Variants in CYP7B1 observed in about 807,000 individuals in gnomAD.
CYP7B1 encodes cytochrome P450 7B1.
A neutral mutation model predicts 42.7 loss-of-function variants in CYP7B1; 29 were observed. The ratio of observed to expected loss-of-function variants is 0.68; its 90% CI spans 0.51 to 0.93. The LOEUF (loss-of-function observed/expected upper bound fraction) is 0.93. Among genes scored for constraint, CYP7B1 ranks in the 40% least tolerant of loss-of-function variants. The probability of loss-of-function intolerance (pLI) is 0.00; values close to 1 mark genes in which losing one functional copy is unlikely to be tolerated. For synonymous variants in CYP7B1, 235 were observed against 218.2 expected, an observed-to-expected ratio of 1.08 and a Z score of -0.68; for missense variants, 655 against 600.5, an observed-to-expected ratio of 1.09 and a Z score of -0.95.
In CYP7B1 at chr8:64,626,326, C is replaced by T. The variant is rs1805609784; in HGVS notation, c.123-1787G>A. On this transcript the variant is annotated intron_variant, in intron 1 of 5. Coordinates refer to ENST00000310193, the MANE Select transcript of CYP7B1 (RefSeq NM_004820.5). ...GACATTGTGTGTGTGAACCTGAGGG[C>T]TCTTGCTGTGCCCTGGGTTTTAGAA... Among the ~76,000 whole-genome samples the T allele has an allele frequency of 2.6e-5, 4 of 152,274 alleles. No individual in the cohort carries two copies. The South Asian group carries it at 8.3e-4, about 32-fold the overall frequency.
chr8:64,788,213 T>C (rs1266868680), intron 1 of CYP7B1, among the ~76,000 whole-genome samples: 5 of 152,192 alleles, frequency 3.3e-5, no homozygotes, highest in Admixed American at 3.3e-4. Context: ...GACTTCTCAA[T>C]TGTAATAGAT....
At chr8:64,704,150 A>G (rs1286250131) in intron 1 of CYP7B1, 1 of 152,088 alleles carries the variant, frequency 6.6e-6, no homozygotes, top group East Asian at 1.9e-4. Flanking sequence ...GAGATAATCC[A>G]TGGCAGGAAG....
chr8:64,614,489 AT>A (rs1462350531), intron 4 of CYP7B1, among the ~76,000 whole-genome samples: 53 of 147,786 alleles, frequency 3.6e-4, no homozygotes, highest in African/African-American at 1.3e-3. Context: ...CTTCTTTTCT[AT>A]TTTTTCCCTC....
chr8:64,650,382 T>C lies in CYP7B1; in HGVS notation c.123-25843A>G, dbSNP rs907653701. On this transcript the variant is annotated intron_variant, in intron 1 of 5. Coordinates refer to ENST00000310193, the MANE Select transcript of CYP7B1 (RefSeq NM_004820.5). Reference sequence around the variant, plus strand: ...TTAATTCTTGGCTGGGCGTGGTGGCTCATGTCTGTAATCCCAGCACTTTGG... The same window carrying C: ...TTAATTCTTGGCTGGGCGTGGTGGCCCATGTCTGTAATCCCAGCACTTTGG... 2.2e-4 allele frequency among the ~76,000 whole-genome samples: 34 copies of C among 152,122 alleles called. 1 individual carries two copies. Among genetic ancestry groups the C allele is most frequent in the African/African-American group, 8.2e-4 (34 of 41,428 alleles).
intron 1 of CYP7B1, among the ~76,000 whole-genome samples, chr8:64,711,423 G>A (rs1807077692): frequency 6.6e-6 from 1 of 152,188 alleles, no homozygotes; most frequent in Admixed American, 6.5e-5. Context: ...TTCCTGGGAA[G>A]GGACAAATGG....
intron 4 of CYP7B1, among the ~76,000 whole-genome samples, chr8:64,608,887 A>G (rs1171034657): frequency 1.3e-5 from 2 of 152,246 alleles, no homozygotes; most frequent in African/African-American, 4.8e-5. Flanking sequence ...ACAAATGCCT[A>G]TCTTCACTCT....
intron 1 of CYP7B1, among the ~76,000 whole-genome samples, chr8:64,757,643 T>G (rs1807827060): frequency 6.6e-6 from 1 of 152,198 alleles, no homozygotes; most frequent in Non-Finnish European, 1.5e-5. Context: ...ATTAACCAAG[T>G]TCAGCACAGG....
At chr8:64,767,792 GT>G (rs1804130799) in intron 1 of CYP7B1, among the ~76,000 whole-genome samples, 1 of 152,200 alleles carries the variant, frequency 6.6e-6, no homozygotes, top group Non-Finnish European at 1.5e-5. Context: ...AATCAAAGCT[GT>G]AAAACTACAA....
At chr8:64,588,708 A>T (rs1804999375), downstream of CYP7B1, among the ~76,000 whole-genome samples, 1 of 152,234 alleles carries the variant, frequency 6.6e-6, no homozygotes, top group African/African-American at 2.4e-5. Context: ...TAAATCATGC[A>T]TTGTCCAATC....
intron 1 of CYP7B1, among the ~76,000 whole-genome samples, chr8:64,789,225 G>A (rs923941197): frequency 1.3e-5 from 2 of 152,196 alleles, no homozygotes; most frequent in Admixed American, 1.3e-4. Context: ...ACTGTGCCTG[G>A]CCATACACTC....
intron 1 of CYP7B1, among the ~76,000 whole-genome samples, chr8:64,775,132 T>C (rs1394510569): frequency 6.6e-6 from 1 of 151,558 alleles, no homozygotes; most frequent in Admixed American, 6.6e-5. Flanking sequence ...TCTCCAAATA[T>C]CCTTAGTAAA....
intron 1 of CYP7B1, among the ~76,000 whole-genome samples, chr8:64,642,408 T>C (rs1486807026): frequency 6.6e-6 from 1 of 152,196 alleles, no homozygotes; most frequent in Non-Finnish European, 1.5e-5. Context: ...CAAATTTTAA[T>C]GTAACAGCAC....
chr8:64,633,536 GT>G (rs1418751596), intron 1 of CYP7B1, among the ~76,000 whole-genome samples: 1 of 152,098 alleles, frequency 6.6e-6, no homozygotes, highest in Non-Finnish European at 1.5e-5. Flanking sequence ...AGTTAACTTA[GT>G]GAAAAAATTT....
intron 1 of CYP7B1, among the ~76,000 whole-genome samples, chr8:64,792,202 C>A (rs1450256311): frequency 6.6e-6 from 1 of 151,946 alleles, no homozygotes; most frequent in African/African-American, 2.4e-5. Flanking sequence ...GAGGAGATTT[C>A]CAAGCAAAGT....
intron 1 of CYP7B1, among the ~76,000 whole-genome samples, chr8:64,780,228 A>C (rs1378679306): frequency 6.6e-6 from 1 of 152,152 alleles, no homozygotes; most frequent in Non-Finnish European, 1.5e-5. Context: ...TAAAATATTC[A>C]TATTGGAAAA....
intron 1 of CYP7B1, among the ~76,000 whole-genome samples, chr8:64,730,981 T>G (rs1278948428): frequency 5.3e-5 from 8 of 152,168 alleles, no homozygotes; most frequent in Admixed American, 4.6e-4. Context: ...CCCTCCTCAC[T>G]CTGCACTTCT....
At chr8:64,677,387 G>A (rs952463877) in intron 1 of CYP7B1, among the ~76,000 whole-genome samples, 3 of 116,736 alleles carry the variant, frequency 2.6e-5, no homozygotes, top group Non-Finnish European at 5.1e-5. Flanking sequence ...AGAGCTAAAA[G>A]TTCTTACAGG....
chr8:64,676,608 C>T (rs1158708342), intron 1 of CYP7B1, among the ~76,000 whole-genome samples: 1 of 151,950 alleles, frequency 6.6e-6, no homozygotes, highest in African/African-American at 2.4e-5. Context: ...ATAGTAGACC[C>T]TCAATAAATA....
chr8:64,606,780 G>A (rs1354909579), intron 4 of CYP7B1, among the ~76,000 whole-genome samples: 2 of 152,182 alleles, frequency 1.3e-5, no homozygotes, highest in Admixed American at 6.5e-5. Flanking sequence ...CCATCATGCC[G>A]ATAATCAATA....
Sources: allele counts gnomAD v4.1 joint callset (sites outside exome capture counted in the v4.1 genomes callset), GRCh38; gene constraint gnomAD v4.1.1; transcripts MANE v1.5; gene names NCBI Gene and HGNC (gene_info 2026-07-23, HGNC 2026-07-21).